Variants in SHISA5 observed in about 807,000 individuals in gnomAD.
SHISA5 encodes shisa family member 5.
In SHISA5, 21 loss-of-function variants were observed where a neutral mutation model predicts 27.5. That is an observed-to-expected ratio of 0.76 (90% CI 0.54 to 1.10). The LOEUF is 1.10. SHISA5 is among the 50% of genes least tolerant of loss of function. The pLI, the probability that SHISA5 is intolerant of heterozygous loss-of-function variation, is 0.00. For missense variants in SHISA5, 314 were observed against 336.3 expected (o/e 0.93, Z 0.52); for synonymous variants, 137 against 142.2 (o/e 0.96, Z 0.26).
At position 48,468,096 on chromosome 3, in the gene SHISA5, G is replaced by A. The variant is rs1214183471; in HGVS notation, c.*1011C>T. 4.2e-5 allele frequency: 40 copies of A among 957,996 alleles called. No homozygotes were observed. The highest frequency in any genetic ancestry group is 5.3e-4 in the Middle Eastern group (1 of 1,886). 59.3% of individuals were successfully genotyped at this position (957,996 alleles called of 1,614,324 possible). On this transcript the variant is annotated 3_prime_UTR_variant, in exon 6 of 6. Coordinates refer to ENST00000296444, the MANE Select transcript of SHISA5 (RefSeq NM_016479.6). ...CTGCTGCCAGAACACCGTGGACTGG[G>A]GTACAGGAGTTGTTGCATATTCCAT...
At chr3:48,500,982 C>T (rs2041735444) in intron 2 of SHISA5, among the ~76,000 whole-genome samples, 155 bp downstream of exon 2, 1 of 152,096 alleles carries the variant, frequency 6.6e-6, no homozygotes, top group Admixed American at 6.6e-5. Context: ...GGGTCCAGCC[C>T]AGAACAGGGG....
In SHISA5 at chr3:48,468,356, A is replaced by C. The variant is rs2040435652; in HGVS notation, c.*751T>G. 1.9e-6 allele frequency: 2 copies of C among 1,057,038 alleles called. No homozygotes were observed. Among genetic ancestry groups the C allele is most frequent in the Non-Finnish European group, 2.3e-6 (2 of 872,458 alleles). 65.5% of individuals were successfully genotyped at this position (1,057,038 alleles called of 1,614,324 possible). On this transcript the variant is annotated 3_prime_UTR_variant, in exon 6 of 6. Transcript: ENST00000296444. ...AGGGCAGGGCCAGCAAGGGCAGCAGAGCTCCCTGGGGGCAGCTAGGCTGTG... is the reference window on the plus strand; with the variant it reads ...AGGGCAGGGCCAGCAAGGGCAGCAGCGCTCCCTGGGGGCAGCTAGGCTGTG...
rs962799508 is a variant in SHISA5 at position 48,473,256 on chromosome 3, A to G, written c.315-3413T>C. 7.1e-7 allele frequency: 1 copy of G among 1,415,966 alleles called. No homozygotes were observed. The highest frequency in any genetic ancestry group is 9.2e-7 in the Non-Finnish European group (1 of 1,086,968). 87.7% of individuals were successfully genotyped at this position (1,415,966 alleles called of 1,614,324 possible). On this transcript the variant is annotated intron_variant, in intron 3 of 5. Transcript: ENST00000296444. This position sits in a 1 kb window ranked among gnomAD's most constrained non-coding sequence, Gnocchi z 4.3. ...AGCCAAGGGGCGGGGGCCGGGGAGGAGGGGAAGCAGAGGTGCCCCATTTGC... is the reference window on the plus strand; with the variant it reads ...AGCCAAGGGGCGGGGGCCGGGGAGGGGGGGAAGCAGAGGTGCCCCATTTGC...
At position 48,469,995 on chromosome 3, in the gene SHISA5, G is replaced by T; in HGVS notation, c.315-152C>A. The T allele has an allele frequency of 1.0e-6, 1 of 992,806 alleles. No homozygotes were observed. Among genetic ancestry groups the T allele is most frequent in the Non-Finnish European group, 1.5e-6 (1 of 678,328 alleles). 61.5% of individuals were successfully genotyped at this position (992,806 alleles called of 1,614,324 possible). A position where few individuals can be genotyped will look rare whatever the true frequency, so the allele number is the denominator to read the frequency against. Reference sequence around the variant, plus strand: ...GGGTGGCCTGCACCTGTTTCAATCTGTTTCCTCTTGTGTAAACTGGGGTAT... The same window carrying T: ...GGGTGGCCTGCACCTGTTTCAATCTTTTTCCTCTTGTGTAAACTGGGGTAT... On this transcript the variant is annotated intron_variant, in intron 3 of 5. Coordinates refer to ENST00000296444, the MANE Select transcript of SHISA5 (RefSeq NM_016479.6). This position sits in a 1 kb window ranked among gnomAD's most constrained non-coding sequence, Gnocchi z 4.6.
At chr3:48,491,716 A>G (rs1031426778) in intron 2 of SHISA5, among the ~76,000 whole-genome samples, 1 of 151,794 alleles carries the variant, frequency 6.6e-6, no homozygotes, top group African/African-American at 2.4e-5. Context: ...GCACGATCTC[A>G]GCTCACTGCA....
Position 48,469,713 on chromosome 3 carries a change from G to A in SHISA5, c.430+15C>T. 2 of 1,613,796 alleles carry A rather than the reference G, an allele frequency of 1.2e-6. No homozygotes were observed. The highest frequency in any genetic ancestry group is 1.3e-5 in the African/African-American group (1 of 75,044). ...ACCCCAGGGGGTCACAGTGGGGCAG[G>A]GTGGGCACGCTTACGACGTGGTCGG... On this transcript the variant is annotated intron_variant, in intron 4 of 5. Transcript: ENST00000296444. This position sits in a 1 kb window ranked among gnomAD's most constrained non-coding sequence, Gnocchi z 4.6.
chr3:48,502,987 T>G (rs1319654813), intron 1 of SHISA5: 1 of 634,358 alleles, frequency 1.6e-6, no homozygotes, highest in Non-Finnish European at 2.5e-6. Context: ...TAGTGGGGAG[T>G]TGGGGGGAAC....
intron 2 of SHISA5, among the ~76,000 whole-genome samples, chr3:48,488,702 A>G (rs1306751740): frequency 1.3e-5 from 2 of 151,298 alleles, no homozygotes; most frequent in African/African-American, 4.8e-5. Flanking sequence ...GCGTGGTGGC[A>G]CATGCCTGTA....
At chr3:48,501,084 C>T in intron 2 of SHISA5, 53 bp downstream of exon 2, 1 of 1,548,732 alleles carries the variant, frequency 6.5e-7, no homozygotes, top group Non-Finnish European at 8.7e-7. Context: ...CACATACTCT[C>T]CTGTGGGGCA....
chr3:48,478,867 C>CT (rs1242812324), intron 3 of SHISA5, among the ~76,000 whole-genome samples: 1 of 152,088 alleles, frequency 6.6e-6, no homozygotes, highest in East Asian at 1.9e-4. Flanking sequence ...TCTGTCACTC[C>CT]TGCCCCCATC....
chr3:48,468,159 G>A lies in SHISA5; in HGVS notation c.*948C>T. ...GGGAAGCAGGGACTCACAGTTGCCA[G>A]GTTGTCCATCTCTGAGCCAATTTCC... On this transcript the variant is annotated 3_prime_UTR_variant, in exon 6 of 6. Coordinates refer to ENST00000296444, the MANE Select transcript of SHISA5 (RefSeq NM_016479.6). 1.0e-6 allele frequency: 1 copy of A among 1,000,562 alleles called. No individual in the cohort carries two copies. The highest frequency in any genetic ancestry group is 1.2e-6 in the Non-Finnish European group (1 of 837,788). The allele number at this position is 1,000,562 out of a possible 1,614,324, so 62.0% of individuals were successfully genotyped here.
intron 2 of SHISA5, among the ~76,000 whole-genome samples, chr3:48,496,286 C>T (rs1181046166): frequency 7.2e-6 from 1 of 139,512 alleles, no homozygotes; most frequent in Non-Finnish European, 1.5e-5. Flanking sequence ...AGTGCGACTC[C>T]GTCAAAAAAA....
intron 2 of SHISA5, among the ~76,000 whole-genome samples, chr3:48,491,852 GC>G (rs897499343): frequency 6.6e-6 from 1 of 151,826 alleles, no homozygotes; most frequent in African/African-American, 2.4e-5. Context: ...TGTTGCCCTG[GC>G]TACACTTCCT....
chr3:48,502,146 G>GC (rs2041775105), intron 1 of SHISA5, among the ~76,000 whole-genome samples: 1 of 152,110 alleles, frequency 6.6e-6, no homozygotes, highest in Admixed American at 6.5e-5. Flanking sequence ...ACAGGCATGA[G>GC]CCACCGCACC....
intron 3 of SHISA5, among the ~76,000 whole-genome samples, chr3:48,474,078 A>C (rs947993179): frequency 2.0e-5 from 3 of 151,626 alleles, no homozygotes; most frequent in Admixed American, 6.6e-5. Context: ...ATTTACAATA[A>C]AGGAAATTTT....
chr3:48,484,956 G>A (rs951690423), intron 2 of SHISA5, among the ~76,000 whole-genome samples: 2 of 152,160 alleles, frequency 1.3e-5, no homozygotes, highest in African/African-American at 4.8e-5. Context: ...TACTTTGGGA[G>A]GCCGAGGCTA....
chr3:48,482,423 AAATAACAT>A (rs1310335600), intron 2 of SHISA5, among the ~76,000 whole-genome samples: 3 of 152,098 alleles, frequency 2.0e-5, no homozygotes, highest in African/African-American at 7.2e-5. Context: ...TAAATAAATA[AAATAACAT>A]AATAACATTA....
rs2107274633 is a variant in SHISA5 at position 48,468,841 on chromosome 3, G to A, written c.*266C>T. 6.7e-7 allele frequency: 1 copy of A among 1,502,622 alleles called. No homozygotes were observed. The highest frequency in any genetic ancestry group is 1.4e-5 in the African/African-American group (1 of 72,444). 93.1% of individuals were successfully genotyped at this position (1,502,622 alleles called of 1,614,324 possible). The stretch of plus-strand genomic sequence containing the variant: ...TGCCCCCCACCACCCCATTCTTTGA[G>A]TTTGGCTTGAGATTTTAGGAAGCAT... On this transcript the variant is annotated 3_prime_UTR_variant, in exon 6 of 6. Coordinates refer to ENST00000296444, the MANE Select transcript of SHISA5 (RefSeq NM_016479.6).
chr3:48,498,689 GAAA>G (rs11294310), intron 2 of SHISA5, among the ~76,000 whole-genome samples: 13 of 80,642 alleles, frequency 1.6e-4, no homozygotes, highest in South Asian at 4.5e-4. Flanking sequence ...TCTCCAGAAA[GAAA>G]AAAAAAAAAA....
Sources: allele counts gnomAD v4.1 joint callset (sites outside exome capture counted in the v4.1 genomes callset), GRCh38; gene constraint gnomAD v4.1.1; non-coding constraint Gnocchi (gnomAD v3.1); transcripts MANE v1.5; gene names NCBI Gene and HGNC (gene_info 2026-07-23, HGNC 2026-07-21).